The following SLC5A12 variants were observed in gnomAD, a reference collection of about 807,000 sequenced individuals.
The protein encoded by SLC5A12 is solute carrier family 5 member 12.
In SLC5A12, 46 loss-of-function variants were observed where a neutral mutation model predicts 72.7. That is an observed-to-expected ratio of 0.63 (90% CI 0.50 to 0.81). The LOEUF (loss-of-function observed/expected upper bound fraction) is 0.81. SLC5A12 is among the 30% of genes least tolerant of loss of function. The pLI, the probability that SLC5A12 is intolerant of heterozygous loss-of-function variation, is 0.00. For missense variants in SLC5A12, 683 were observed against 740.7 expected (o/e 0.92, Z 0.90); for synonymous variants, 275 against 264.4 (o/e 1.04, Z -0.39).
At chr11:26,695,722 G>T (rs1426610576) in intron 8 of SLC5A12, among the ~76,000 whole-genome samples, 2 of 152,116 alleles carry the variant, frequency 1.3e-5, no homozygotes, top group Non-Finnish European at 2.9e-5. Context: ...TTCAATTTGT[G>T]TGTCACTCAC....
chr11:26,681,221 C>A lies in SLC5A12; in HGVS notation c.1309G>T (p.Gly437Cys). Residue 437 changes from glycine (G) to cysteine (C), a missense_variant and splice_region_variant, in exon 12 of 15, where the codon GGT becomes TGT. Transcript: ENST00000396005. The stretch of plus-strand genomic sequence containing the variant: ...CCAGTAAGAAGACCTCCTAGTGCAC[C>A]CTGGATGAAGAAGAAAAAGGTTAAT... ...GIVFPFVNWK[G>C]ALGGLLTGIT... The A allele has an allele frequency of 1.3e-6, 2 of 1,570,818 alleles. No individual in the cohort carries two copies.
chr11:26,675,229 G>T (rs1215145416), intron 13 of SLC5A12, among the ~76,000 whole-genome samples: 1 of 152,188 alleles, frequency 6.6e-6, no homozygotes, highest in Non-Finnish European at 1.5e-5. Flanking sequence ...CAGGTCCTGA[G>T]ATTTGCTAAG....
At chr11:26,709,491 T>C (rs914329786) in intron 3 of SLC5A12, 112 bp from the exon 4 acceptor site, 22 of 742,304 alleles carry the variant, frequency 3.0e-5, no homozygotes, top group Non-Finnish European at 4.6e-5. Flanking sequence ...TAGGCAAAAA[T>C]AAAATCAAAT....
rs371636872 is a variant in SLC5A12 at position 26,721,930 on chromosome 11, G to A, written c.-216C>T. 1.3e-5 allele frequency: 7 copies of A among 548,458 alleles called. No homozygotes were observed. The highest frequency in any genetic ancestry group is 9.1e-5 in the East Asian group (3 of 32,936). The allele number at this position is 548,458 out of a possible 1,614,324, so 34.0% of individuals were successfully genotyped here. On this transcript the variant is annotated 5_prime_UTR_variant, in exon 1 of 15. Coordinates refer to ENST00000396005, the MANE Select transcript of SLC5A12 (RefSeq NM_178498.4). ...TGACTTCAAAGAAGAATCTGGTGGT[G>A]GTATTGGCACCAAGAGATGAGAATT...
chr11:26,686,120 T>C (rs750601507), intron 10 of SLC5A12, among the ~76,000 whole-genome samples: 3 of 152,204 alleles, frequency 2.0e-5, no homozygotes, highest in Non-Finnish European at 2.9e-5. Flanking sequence ...ATGTTAATTA[T>C]TATTGGTTTT....
intron 12 of SLC5A12, among the ~76,000 whole-genome samples, chr11:26,680,317 GTATATATATTCATATATATA>G (rs1854368573): frequency 8.2e-6 from 1 of 121,610 alleles, no homozygotes; most frequent in African/African-American, 3.5e-5. Context: ...ATATATATAT[GTATATATATTCATATATATA>G]TGTATATATA....
intron 9 of SLC5A12, among the ~76,000 whole-genome samples, chr11:26,687,940 A>G (rs2133160636): frequency 6.6e-6 from 1 of 152,346 alleles, no homozygotes; most frequent in African/African-American, 2.4e-5. Context: ...TTCATGAAAA[A>G]GGAGAGCCCT....
chr11:26,718,539 A>G (rs1855403848), intron 1 of SLC5A12, among the ~76,000 whole-genome samples: 1 of 151,798 alleles, frequency 6.6e-6, no homozygotes, highest in Admixed American at 6.6e-5. Context: ...GTTCACTGCA[A>G]CCTCCCAGGT....
chr11:26,680,513 C>A (rs1269776126), intron 12 of SLC5A12, among the ~76,000 whole-genome samples: 1 of 150,792 alleles, frequency 6.6e-6, no homozygotes, highest in Admixed American at 6.7e-5. Flanking sequence ...AAATCCAAAC[C>A]CAAATATTTC....
Position 26,709,842 on chromosome 11 carries a change from T to C in SLC5A12, c.458-463A>G, listed in dbSNP as rs967625375. On this transcript the variant is annotated intron_variant, in intron 3 of 14. Transcript: ENST00000396005. ...ACCCACTTCTCTTCTCTGACCATCA[T>C]GAGAAACATGAACAAAAATTGAGTT... Among the ~76,000 whole-genome samples the C allele has an allele frequency of 3.9e-5, 6 of 152,222 alleles. No homozygotes were observed. The East Asian group carries it at 7.7e-4, about 20-fold the overall frequency.
At chr11:26,687,315 G>C (rs924275906) in intron 9 of SLC5A12, among the ~76,000 whole-genome samples, 2 of 151,090 alleles carry the variant, frequency 1.3e-5, no homozygotes, top group South Asian at 2.1e-4. Flanking sequence ...CAAAACAATA[G>C]AGAGAAAGAT....
chr11:26,699,363 T>C (rs960773539), intron 6 of SLC5A12, among the ~76,000 whole-genome samples: 4 of 152,148 alleles, frequency 2.6e-5, no homozygotes, highest in Admixed American at 6.6e-5. Context: ...TATTTAAATG[T>C]AAAGACACAC....
intron 3 of SLC5A12, 60 bp downstream of exon 3, chr11:26,711,247 C>A (rs1410455146): frequency 4.4e-6 from 6 of 1,348,564 alleles, no homozygotes; most frequent in African/African-American, 1.4e-5. Context: ...TCTAATTCTG[C>A]AAGGTGAGAA....
intron 13 of SLC5A12, among the ~76,000 whole-genome samples, chr11:26,674,912 T>C (rs1183055104): frequency 6.6e-6 from 1 of 152,198 alleles, no homozygotes; most frequent in Non-Finnish European, 1.5e-5. Context: ...GTTATTCTCA[T>C]TTCATGGATG....
chr11:26,698,443 TCA>T lies in SLC5A12; in HGVS notation c.912_913del (p.Cys304Ter). ...TGAGATGATGCCAGAAGTCCAAGGG[TCA>T]CAGTCTTTAAAGTGAGAGTACATGA... On this transcript the variant is annotated stop_gained and frameshift_variant, in exon 7 of 15. Coordinates refer to ENST00000396005, the MANE Select transcript of SLC5A12 (RefSeq NM_178498.4). LOFTEE classifies it high-confidence loss of function. The T allele has an allele frequency of 6.2e-7, 1 of 1,613,814 alleles. No individual in the cohort carries two copies. Among genetic ancestry groups the T allele is most frequent in the Non-Finnish European group, 8.5e-7 (1 of 1,179,928 alleles).
At chr11:26,705,154 T>C (rs1169029494) in intron 4 of SLC5A12, among the ~76,000 whole-genome samples, 2 of 152,026 alleles carry the variant, frequency 1.3e-5, no homozygotes, top group African/African-American at 2.4e-5. Flanking sequence ...AATTAAGGTC[T>C]GGATTGGGGC....
At chr11:26,680,732 TACTGAGTTTTATTCTTTGAGGAA>T (rs1007243377) in intron 12 of SLC5A12, among the ~76,000 whole-genome samples, 25 of 152,218 alleles carry the variant, frequency 1.6e-4, no homozygotes, top group African/African-American at 5.8e-4. Flanking sequence ...AAACTTCTTC[TACTGAGTTTTATTCTTTGAGGAA>T]ACCATGTTCC....
chr11:26,681,241 G>C lies in SLC5A12; in HGVS notation c.1309-20C>G. On this transcript the variant is annotated intron_variant, in intron 11 of 14. Transcript: ENST00000396005. ...TGCACCCTGGATGAAGAAGAAAAAG[G>C]TTAATGGGAAATTTGGCAAAGCTGT... 6.5e-7 allele frequency: 1 copy of C among 1,540,206 alleles called. No homozygotes were observed. Among genetic ancestry groups the C allele is most frequent in the South Asian group, 1.2e-5 (1 of 80,928 alleles).
chr11:26,678,352 T>C (rs1328427802), intron 13 of SLC5A12, among the ~76,000 whole-genome samples: 1 of 151,966 alleles, frequency 6.6e-6, no homozygotes, highest in Non-Finnish European at 1.5e-5. Context: ...TGGGAAATGT[T>C]TGAATATATG....
Sources: gnomAD v4.1 joint callset for allele counts (sites outside exome capture counted in the v4.1 genomes callset) on GRCh38, gnomAD v4.1.1 for gene constraint, MANE v1.5 for transcripts, NCBI Gene and HGNC (gene_info 2026-07-23, HGNC 2026-07-21) for gene names.